The following GALNT13 variants were observed in gnomAD, a reference collection of about 807,000 sequenced individuals.
GALNT13 encodes the protein polypeptide N-acetylgalactosaminyltransferase 13, also known as UDP-GalNAc:polypeptide N-acetylgalactosaminyltransferase 13.
Under a neutral mutation model 64.2 loss-of-function variants are expected in GALNT13, and 28 were observed. The ratio of observed to expected loss-of-function variants is 0.44; its 90% CI spans 0.32 to 0.60. The LOEUF (loss-of-function observed/expected upper bound fraction) is 0.60. Ranked by LOEUF, GALNT13 falls within the 20% of genes least tolerant of loss-of-function variation. GALNT13 has a pLI of 0.05. For missense variants in GALNT13, 577 were observed against 669.8 expected, an observed-to-expected ratio of 0.86 and a Z score of 1.53; for synonymous variants, 214 against 224.6, an observed-to-expected ratio of 0.95 and a Z score of 0.42.
At chr2:154,216,125 T>C (rs1255805043) in intron 4 of GALNT13, among the ~76,000 whole-genome samples, 2 of 152,128 alleles carry the variant, frequency 1.3e-5, no homozygotes, top group African/African-American at 4.8e-5. Flanking sequence ...TACACACATA[T>C]CCTTTTGAGC....
At chr2:153,092,697 TTTACTGAATTTGTA>T in the GALNT13 span, among the ~76,000 whole-genome samples, 9 of 152,248 alleles carry the variant, frequency 5.9e-5, no homozygotes, top group Non-Finnish European at 1.3e-4. Context: ...ATTCTGCAGC[TTTACTGAATTTGTA>T]TATCAGTTCT....
chr2:153,442,750 G>A, the GALNT13 span, among the ~76,000 whole-genome samples: 1 of 152,178 alleles, frequency 6.6e-6, no homozygotes, highest in African/African-American at 2.4e-5. Context: ...TGCCCAGAGA[G>A]GAGGAATCTA....
At chr2:154,221,306 G>A (rs946928387) in intron 4 of GALNT13, among the ~76,000 whole-genome samples, 10 of 151,938 alleles carry the variant, frequency 6.6e-5, no homozygotes, top group Non-Finnish European at 1.3e-4. Flanking sequence ...CATGTATATT[G>A]TATTAGACAA....
the GALNT13 span, among the ~76,000 whole-genome samples, chr2:153,657,065 G>A: frequency 6.6e-6 from 1 of 152,140 alleles, no homozygotes; most frequent in East Asian, 1.9e-4. Context: ...TTATAGCGGT[G>A]TTGGGCATAG....
the GALNT13 span, among the ~76,000 whole-genome samples, chr2:153,509,360 T>A: frequency 6.6e-6 from 1 of 152,146 alleles, no homozygotes; most frequent in African/African-American, 2.4e-5. Flanking sequence ...TTCCACGGAG[T>A]GCGCAGACCT....
chr2:153,175,926 T>C, the GALNT13 span, among the ~76,000 whole-genome samples: 1 of 151,908 alleles, frequency 6.6e-6, no homozygotes, highest in Non-Finnish European at 1.5e-5. Flanking sequence ...GTCAGTAGGG[T>C]CATAACTAAC....
chr2:153,186,337 T>G, the GALNT13 span, among the ~76,000 whole-genome samples: 1 of 152,156 alleles, frequency 6.6e-6, no homozygotes, highest in Admixed American at 6.6e-5. Context: ...TATTTCAAGC[T>G]TATTTGTGTC....
chr2:153,194,461 C>A, the GALNT13 span, among the ~76,000 whole-genome samples: 64 of 152,084 alleles, frequency 4.2e-4, no homozygotes, highest in Middle Eastern at 3.4e-3. Context: ...TTTATGATAT[C>A]TTTCTCTTTT....
Position 154,242,906 on chromosome 2 carries a change from G to A in GALNT13, c.686+1G>A. The A allele has an allele frequency of 6.2e-7, 1 of 1,612,682 alleles. No homozygotes were observed. The highest frequency in any genetic ancestry group is 8.5e-7 in the Non-Finnish European group (1 of 1,178,816). ...TGCTGGCAAGAATAAAGGAAGACAGGTAAGAATTTATGTGTTCTGTCTGCC... is the reference window on the plus strand; with the variant it reads ...TGCTGGCAAGAATAAAGGAAGACAGATAAGAATTTATGTGTTCTGTCTGCC... On this transcript the variant is annotated splice_donor_variant, in intron 6 of 12. Coordinates refer to ENST00000392825, the MANE Select transcript of GALNT13 (RefSeq NM_052917.4). LOFTEE classifies it high-confidence loss of function.
At chr2:153,807,107 A>C in the GALNT13 span, among the ~76,000 whole-genome samples, 13 of 151,976 alleles carry the variant, frequency 8.6e-5, no homozygotes, top group African/African-American at 3.1e-4. Context: ...CAATCCGTGT[A>C]GTAACAGCAC....
intron 4 of GALNT13, among the ~76,000 whole-genome samples, chr2:154,231,195 A>G (rs766944521): frequency 2.0e-5 from 3 of 151,976 alleles, no homozygotes; most frequent in African/African-American, 7.2e-5. Context: ...TATTCCCCTT[A>G]TCTCATTCAA....
intron 3 of GALNT13, among the ~76,000 whole-genome samples, chr2:154,017,982 A>G (rs1354277421): frequency 6.6e-6 from 1 of 152,138 alleles, no homozygotes; most frequent in Non-Finnish European, 1.5e-5. Flanking sequence ...TCCTTTGCTT[A>G]CTTTTATGCC....
the GALNT13 span, among the ~76,000 whole-genome samples, chr2:153,319,577 CCATGTT>C: frequency 1.3e-5 from 2 of 152,116 alleles, no homozygotes; most frequent in Non-Finnish European, 2.9e-5. Context: ...CTGCACCCAG[CCATGTT>C]CACATTTATT....
the GALNT13 span, among the ~76,000 whole-genome samples, chr2:153,147,861 A>C: frequency 6.1e-4 from 92 of 151,894 alleles, 1 homozygote; most frequent in African/African-American, 2.1e-3. Flanking sequence ...TGAGGATATA[A>C]AAGGGAGAAG....
At chr2:154,383,880 A>G (rs1272310656) in intron 9 of GALNT13, among the ~76,000 whole-genome samples, 1 of 146,564 alleles carries the variant, frequency 6.8e-6, no homozygotes, top group Non-Finnish European at 1.5e-5. Flanking sequence ...ATATATAGAG[A>G]TATATTTCTA....
the GALNT13 span, among the ~76,000 whole-genome samples, chr2:153,458,145 G>A: frequency 1.3e-5 from 2 of 152,028 alleles, no homozygotes; most frequent in African/African-American, 4.8e-5. Flanking sequence ...TGGAGGGAAA[G>A]CCAGGAAGAT....
intron 9 of GALNT13, among the ~76,000 whole-genome samples, chr2:154,314,407 T>C (rs1694219600): frequency 6.6e-6 from 1 of 152,192 alleles, no homozygotes; most frequent in South Asian, 2.1e-4. Flanking sequence ...TTAGATACTC[T>C]GGTGGATTGC....
the GALNT13 span, among the ~76,000 whole-genome samples, chr2:153,578,991 C>T: frequency 1.3e-5 from 2 of 152,190 alleles, no homozygotes; most frequent in African/African-American, 4.8e-5. Flanking sequence ...CTGGCTAACG[C>T]ATTCTAGGCA....
chr2:153,545,857 C>T, the GALNT13 span, among the ~76,000 whole-genome samples: 2 of 152,190 alleles, frequency 1.3e-5, no homozygotes, highest in African/African-American at 4.8e-5. Context: ...GAGGATATGC[C>T]TAGCTCAACT....
Sources: allele counts gnomAD v4.1 joint callset (sites outside exome capture counted in the v4.1 genomes callset), GRCh38; gene constraint gnomAD v4.1.1; transcripts MANE v1.5; gene names NCBI Gene and HGNC (gene_info 2026-07-23, HGNC 2026-07-21).